The following ERCC6L2 variants were observed in gnomAD, a reference collection of about 807,000 sequenced individuals.
ERCC6L2 encodes DNA excision repair protein ERCC-6-like 2.
Under a neutral mutation model 132.0 loss-of-function variants are expected in ERCC6L2, and 77 were observed. That is an observed-to-expected ratio of 0.58 (90% CI 0.49 to 0.71). ERCC6L2 has a LOEUF of 0.71. ERCC6L2 is among the 30% of genes least tolerant of loss of function. The pLI, the probability that ERCC6L2 is intolerant of heterozygous loss-of-function variation, is 0.00. For missense variants in ERCC6L2, 1,542 were observed against 1,837.6 expected (o/e 0.84, Z 2.94); for synonymous variants, 583 against 632.4 (o/e 0.92, Z 1.17).
At chr9:95,974,744 G>GTGTGTGTA (rs1832588864) in intron 16 of ERCC6L2, among the ~76,000 whole-genome samples, 1 of 148,286 alleles carries the variant, frequency 6.7e-6, no homozygotes, top group African/African-American at 2.5e-5. Context: ...GTGTGTGTGT[G>GTGTGTGTA]TGTATTTTAT....
rs59427782 is a variant in ERCC6L2 at position 95,939,819 on chromosome 9, A to G, written c.1752-1635A>G. Among the ~76,000 whole-genome samples, 761 of 151,990 alleles carry G rather than the reference A, an allele frequency of 5.0e-3. 7 individuals carry two copies. Among genetic ancestry groups the G allele is most frequent in the African/African-American group, 0.017 (706 of 41,446 alleles). ...TCAGTCTTTTCTTATTCAGGCTGCA[A>G]TTTTCCTGGTTCTTGGTATAAGTGA... On this transcript the variant is annotated intron_variant, in intron 11 of 18. Transcript: ENST00000653738.
Position 95,907,227 on chromosome 9 carries a change from A to G in ERCC6L2, c.744A>G (p.Leu248=), listed in dbSNP as rs752985126. The G allele has an allele frequency of 9.9e-6, 16 of 1,613,154 alleles. No individual in the cohort carries two copies. In the East Asian group the frequency reaches 3.3e-4, roughly 34 times the overall value. Residue 248 remains leucine (L), a synonymous_variant, in exon 4 of 19, where the codon CTA becomes CTG. Transcript: ENST00000653738. ...RVKQRKCEIA[L]TTYETLRLCL... Reference sequence around the variant, plus strand: ...AGCAGAGGAAATGTGAAATTGCTCTAACAACTTATGAAACACTACGCTTAT... The same window carrying G: ...AGCAGAGGAAATGTGAAATTGCTCTGACAACTTATGAAACACTACGCTTAT...
At chr9:95,903,857 TA>T (rs1054206883) in intron 3 of ERCC6L2, among the ~76,000 whole-genome samples, 1 of 151,136 alleles carries the variant, frequency 6.6e-6, no homozygotes, top group Non-Finnish European at 1.5e-5. Flanking sequence ...CTCAAAGTAC[TA>T]AAAAAAAAGT....
rs771982511 is a variant in ERCC6L2, at chr9:95,930,152, A to AT, written c.1751+1296dup. On this transcript the variant is annotated intron_variant, in intron 11 of 18. Coordinates refer to ENST00000653738, the MANE Select transcript of ERCC6L2 (RefSeq NM_020207.7). ...GTTGATAGTTTCTTCATGTTTGGTC[A>AT]TTTTTTTTCTTTTGAGCTTATCTTC... Among the ~76,000 whole-genome samples the AT allele has an allele frequency of 1.1e-3, 169 of 150,826 alleles. 1 individual carries two copies. Among genetic ancestry groups the AT allele is most frequent in the South Asian group, 7.8e-3 (37 of 4,736 alleles).
At chr9:95,887,070 C>A (rs1827910689) in intron 2 of ERCC6L2, among the ~76,000 whole-genome samples, 1 of 152,178 alleles carries the variant, frequency 6.6e-6, no homozygotes, top group Non-Finnish European at 1.5e-5. Context: ...ACTTAATAAA[C>A]TCCTCATATA....
chr9:95,910,433 A>G (rs1055750607), intron 4 of ERCC6L2, among the ~76,000 whole-genome samples: 7 of 152,150 alleles, frequency 4.6e-5, no homozygotes, highest in Admixed American at 4.6e-4. Context: ...CGATGGTACT[A>G]TTATATAGCT....
exon 20 of ERCC6L2, chr9:96,039,055 T>A: frequency 2.5e-6 from 1 of 400,164 alleles, no homozygotes; most frequent in Non-Finnish European, 5.0e-6. Flanking sequence ...ATGATCATGG[T>A]CCTGGCTGAC....
intron 6 of ERCC6L2, among the ~76,000 whole-genome samples, chr9:95,919,642 G>C (rs370141595): frequency 6.6e-6 from 1 of 152,132 alleles, no homozygotes; most frequent in Non-Finnish European, 1.5e-5. Context: ...TGTCTGGAAG[G>C]ATTACACCAT....
intron 12 of ERCC6L2, among the ~76,000 whole-genome samples, chr9:95,951,024 C>T (rs1359007980): frequency 6.6e-6 from 1 of 152,154 alleles, no homozygotes; most frequent in Non-Finnish European, 1.5e-5. Context: ...AGAATACATA[C>T]TTTTCTTAAG....
chr9:95,976,115 A>G (rs779509383), intron 16 of ERCC6L2, among the ~76,000 whole-genome samples: 12 of 152,174 alleles, frequency 7.9e-5, no homozygotes, highest in Non-Finnish European at 1.3e-4. Context: ...AATTTTACAA[A>G]TGAAGCAGAG....
At chr9:96,006,914 G>C (rs1833881821) in intron 18 of ERCC6L2, among the ~76,000 whole-genome samples, 1 of 152,124 alleles carries the variant, frequency 6.6e-6, no homozygotes, top group African/African-American at 2.4e-5. Context: ...TCCCATTTGA[G>C]AATAATTTCA....
intron 2 of ERCC6L2, among the ~76,000 whole-genome samples, chr9:95,882,028 G>T (rs948125815): frequency 6.6e-6 from 1 of 152,162 alleles, no homozygotes; most frequent in African/African-American, 2.4e-5. Flanking sequence ...CCACCTGTTT[G>T]TTGGCAGGAT....
chr9:95,916,905 G>A (rs1829624930), intron 6 of ERCC6L2, among the ~76,000 whole-genome samples: 1 of 151,914 alleles, frequency 6.6e-6, no homozygotes, highest in Non-Finnish European at 1.5e-5. Context: ...GGCTGGTTTC[G>A]AACTCCTGAC....
rs766017469 is a variant in ERCC6L2, at chr9:96,012,557, C to T, written c.4007C>T (p.Ser1336Leu). The part of the protein sequence containing the change: ...VCSLKTYKRK[S>L]VKFQNHISYR... ...AGCCTAAAAACATATAAAAGAAAAT[C>T]AGTTAAGTTTCAGAATCATATTTCC... Residue 1336 changes from serine (S) to leucine (L), a missense_variant, in exon 19 of 19, where the codon TCA becomes TTA. This residue lies in a region of ERCC6L2 where 442 missense variants were observed against 583.4 expected (regional missense o/e 0.76). Transcript: ENST00000653738. The T allele has an allele frequency of 1.7e-5, 23 of 1,367,152 alleles. 1 individual carries two copies. The allele number at this position is 1,367,152 out of a possible 1,614,324, so 84.7% of individuals were successfully genotyped here.
intron 3 of ERCC6L2, among the ~76,000 whole-genome samples, chr9:95,899,676 T>C (rs923138057): frequency 2.0e-5 from 3 of 151,080 alleles, no homozygotes; most frequent in South Asian, 2.1e-4. Context: ...CACACACATA[T>C]ACAGTTGTCC....
At chr9:95,934,580 A>G (rs1437829990) in intron 11 of ERCC6L2, among the ~76,000 whole-genome samples, 4 of 152,068 alleles carry the variant, frequency 2.6e-5, no homozygotes, top group African/African-American at 4.8e-5. Context: ...TTAAGTGTCA[A>G]AAAGACTCTG....
intron 13 of ERCC6L2, among the ~76,000 whole-genome samples, chr9:95,959,755 TA>T (rs57649291): frequency 0.025 from 3,746 of 147,284 alleles, 51 homozygotes; most frequent in Admixed American, 0.04. Flanking sequence ...ATTATGTTCT[TA>T]AAAAAAAAAT....
chr9:95,955,333 TTAA>T (rs1362688701), intron 12 of ERCC6L2, among the ~76,000 whole-genome samples: 26 of 152,328 alleles, frequency 1.7e-4, no homozygotes, highest in African/African-American at 6.0e-4. Flanking sequence ...TTTAACAGTT[TTAA>T]TAAAGTATAA....
chr9:96,002,853 T>C (rs1055662847), intron 17 of ERCC6L2, among the ~76,000 whole-genome samples: 15 of 152,000 alleles, frequency 9.9e-5, no homozygotes, highest in African/African-American at 3.6e-4. Context: ...CTAGGGATTC[T>C]TCCTCCTTTT....
Sources: gnomAD v4.1 joint callset for allele counts (sites outside exome capture counted in the v4.1 genomes callset) on GRCh38, gnomAD v4.1.1 for gene constraint, gnomAD v4.1.1 regional missense constraint, MANE v1.5 for transcripts, NCBI Gene and HGNC (gene_info 2026-07-23, HGNC 2026-07-21) for gene names.